NCAPG2: variants seen among roughly 807,000 people sequenced by gnomAD.
The protein encoded by NCAPG2 is condensin-2 complex subunit G2.
NCAPG2 carries 53 observed loss-of-function variants against 141.1 expected under a neutral mutation model. The observed-to-expected ratio is 0.38, with a 90% CI of 0.30 to 0.47. The LOEUF (loss-of-function observed/expected upper bound fraction) is 0.47. Ranked by LOEUF, NCAPG2 falls within the 20% of genes least tolerant of loss-of-function variation. The probability of loss-of-function intolerance (pLI) is 0.99; values close to 1 mark genes in which losing one functional copy is unlikely to be tolerated. For synonymous variants in NCAPG2, 499 were observed against 490.7 expected (o/e 1.02, Z -0.22); for missense variants, 1,087 against 1,389.0 (o/e 0.78, Z 3.46).
chr7:158,703,916 G>A (rs935868298), intron 1 of NCAPG2, among the ~76,000 whole-genome samples: 15 of 152,144 alleles, frequency 9.9e-5, no homozygotes, highest in Non-Finnish European at 2.1e-4. Context: ...CAGGGCTCAG[G>A]GGGACTCTCT....
At chr7:158,673,396 G>T (rs907901508) in intron 12 of NCAPG2, among the ~76,000 whole-genome samples, 1 of 152,164 alleles carries the variant, frequency 6.6e-6, no homozygotes, top group African/African-American at 2.4e-5. Context: ...AGCTGCCCTC[G>T]CCATCAGCAT....
chr7:158,697,922 C>T (rs1835558302), intron 2 of NCAPG2, among the ~76,000 whole-genome samples: 1 of 152,146 alleles, frequency 6.6e-6, no homozygotes, highest in African/African-American at 2.4e-5. Flanking sequence ...GAACAACACA[C>T]ACTGGCCTAT....
Position 158,655,448 on chromosome 7 carries a change from A to G in NCAPG2, c.2396T>C (p.Leu799Pro). Reference sequence around the variant, plus strand: ...ACCCGGTGTCTGCAGAAGTGACTCCAGATCTGCCTGTAATAGAAAAAACCC... The same window carrying G: ...ACCCGGTGTCTGCAGAAGTGACTCCGGATCTGCCTGTAATAGAAAAAACCC... ...LKALETSKADLESLLQTPGGK... is the reference protein window; with the variant it reads ...LKALETSKADPESLLQTPGGK... The change falls in exon 20 of 28, where the codon CTG becomes CCG. Residue 799 changes from leucine (L) to proline (P), a missense_variant. Physicochemically the swap from Leu to Pro is moderately conservative, Grantham distance 98. Coordinates refer to ENST00000356309, the MANE Select transcript of NCAPG2 (RefSeq NM_017760.7). The G allele has an allele frequency of 6.2e-7, 1 of 1,613,988 alleles. No individual in the cohort carries two copies. The highest frequency in any genetic ancestry group is 8.5e-7 in the Non-Finnish European group (1 of 1,179,946).
intron 24 of NCAPG2, among the ~76,000 whole-genome samples, chr7:158,650,437 T>C (rs560626719): frequency 6.6e-6 from 1 of 152,282 alleles, no homozygotes; most frequent in East Asian, 1.9e-4. Flanking sequence ...ATGTGAACTA[T>C]TCCACAAAAG....
In NCAPG2 at chr7:158,664,289, C is replaced by A. The variant is rs751411045; in HGVS notation, c.1710G>T (p.Leu570=). 1.2e-5 allele frequency: 20 copies of A among 1,611,984 alleles called. No homozygotes were observed. Among genetic ancestry groups the A allele is most frequent in the Middle Eastern group, 1.7e-4 (1 of 6,054 alleles). ...TTAAGCAATGACGAATAACGTGAAT[C>A]AGCTTTGCTGAAATGTTTAGGATAA... ...EHTACTNIAK[L]IHVIRHCLNA... is the part of the protein sequence containing the mutation. The change falls in exon 15 of 28, where the codon CTG becomes CTT. Residue 570 remains leucine (L), a synonymous_variant. Coordinates refer to ENST00000356309, the MANE Select transcript of NCAPG2 (RefSeq NM_017760.7).
intron 13 of NCAPG2, chr7:158,668,082 T>A (rs867901904): frequency 1.6e-5 from 1 of 64,266 alleles, no homozygotes; most frequent in Non-Finnish European, 1.8e-5. Context: ...CCTTACCCAC[T>A]ACTGGGTCCC....
rs187533897 is a variant in NCAPG2 at position 158,641,632 on chromosome 7, A to G, written c.3380+2657T>C. The G allele has an allele frequency of 6.4e-6, 3 of 466,746 alleles. No individual in the cohort carries two copies. The East Asian group carries it at 1.0e-4, about 16-fold the overall frequency. The allele number at this position is 466,746 out of a possible 1,614,324, so 28.9% of individuals were successfully genotyped here. A position where few individuals can be genotyped will look rare whatever the true frequency, so the allele number is the denominator to read the frequency against. Reference sequence around the variant, plus strand: ...CTAATCAAAACAAAGCAGGAGTAGTAGTATTAATTTCAGGCAGAGCAGAAT... The same window carrying G: ...CTAATCAAAACAAAGCAGGAGTAGTGGTATTAATTTCAGGCAGAGCAGAAT... On this transcript the variant is annotated intron_variant, in intron 27 of 27. Transcript: ENST00000356309.
rs1834005529 is a variant in NCAPG2 at position 158,675,672 on chromosome 7, G to A, written c.1147-16C>T. ...CTAAAAGGCTCTATAAGTAGGAGGG[G>A]AGAAAGGCTTAAAAACCTTGACTTA... On this transcript the variant is annotated splice_polypyrimidine_tract_variant and intron_variant, in intron 11 of 27. Coordinates refer to ENST00000356309, the MANE Select transcript of NCAPG2 (RefSeq NM_017760.7). 6.2e-7 allele frequency: 1 copy of A among 1,601,596 alleles called. No homozygotes were observed. Among genetic ancestry groups the A allele is most frequent in the Non-Finnish European group, 8.5e-7 (1 of 1,176,976 alleles).
At chr7:158,662,059 A>C in intron 16 of NCAPG2, 135 bp downstream of exon 16, 1 of 831,698 alleles carries the variant, frequency 1.2e-6, no homozygotes, top group Non-Finnish European at 1.7e-6. Context: ...CTGCAAGGTA[A>C]ACACTAATCC....
intron 27 of NCAPG2, among the ~76,000 whole-genome samples, chr7:158,637,025 G>A (rs577258878): frequency 6.6e-5 from 10 of 151,666 alleles, no homozygotes; most frequent in East Asian, 2.0e-4. Flanking sequence ...TTGGCTCACT[G>A]CAAGTTCCGC....
rs1340414075 is a variant in NCAPG2 at position 158,655,665 on chromosome 7, C to T, written c.2389-210G>A. 3.3e-5 allele frequency among the ~76,000 whole-genome samples: 5 copies of T among 152,412 alleles called. No individual in the cohort carries two copies. The East Asian group carries it at 7.7e-4, about 23-fold the overall frequency. ...AGCCAGGTGAGCAGCCTCAGCTCACCGTCCACAGCCCTTGCCCTGCACGCA... is the reference window on the plus strand; with the variant it reads ...AGCCAGGTGAGCAGCCTCAGCTCACTGTCCACAGCCCTTGCCCTGCACGCA... On this transcript the variant is annotated intron_variant, in intron 19 of 27. Coordinates refer to ENST00000356309, the MANE Select transcript of NCAPG2 (RefSeq NM_017760.7).
At chr7:158,645,976 G>C (rs1280122162) in intron 25 of NCAPG2, among the ~76,000 whole-genome samples, 1 of 152,150 alleles carries the variant, frequency 6.6e-6, no homozygotes, top group Non-Finnish European at 1.5e-5. Flanking sequence ...AAATTCGACA[G>C]GTACCAGACA....
chr7:158,686,140 A>G (rs1834740805), intron 8 of NCAPG2, 32 bp downstream of exon 8: 1 of 1,289,196 alleles, frequency 7.8e-7, no homozygotes, highest in Non-Finnish European at 1.1e-6. Flanking sequence ...TATAATAAAA[A>G]TAAGTGTTAA....
intron 7 of NCAPG2, among the ~76,000 whole-genome samples, chr7:158,686,803 A>T (rs1401069077): frequency 3.3e-5 from 5 of 152,242 alleles, no homozygotes; most frequent in African/African-American, 1.2e-4. Flanking sequence ...TGGGAAATTT[A>T]GAAAGCAAAG....
At chr7:158,654,745 G>A in intron 21 of NCAPG2, 51 bp from the exon 22 acceptor site, 4 of 1,578,042 alleles carry the variant, frequency 2.5e-6, no homozygotes, top group South Asian at 1.2e-5. Context: ...TAAAAAGGGA[G>A]TAAATCCAGC....
chr7:158,641,473 T>C (rs1321755583), intron 27 of NCAPG2: 1 of 670,548 alleles, frequency 1.5e-6, no homozygotes, highest in Admixed American at 2.3e-5. Flanking sequence ...CCTAGCCAAT[T>C]GGGACTGAGG....
chr7:158,658,991 A>G (rs1252886879), intron 16 of NCAPG2, among the ~76,000 whole-genome samples: 1 of 148,474 alleles, frequency 6.7e-6, no homozygotes, highest in African/African-American at 2.5e-5. Context: ...TACAGTAAGC[A>G]TTCACTCCAG....
chr7:158,693,847 T>G (rs1410859118), intron 2 of NCAPG2, among the ~76,000 whole-genome samples: 1 of 152,196 alleles, frequency 6.6e-6, no homozygotes, highest in Non-Finnish European at 1.5e-5. Flanking sequence ...CAGCCCCAAG[T>G]GGGCCCTCAA....
Position 158,692,903 on chromosome 7 carries a change from C to T in NCAPG2, c.321G>A (p.Val107=). The T allele has an allele frequency of 6.3e-7, 1 of 1,595,548 alleles. No homozygotes were observed. Residue 107 remains valine (V), a synonymous_variant, in exon 4 of 28, where the codon GTG becomes GTA. Coordinates refer to ENST00000356309, the MANE Select transcript of NCAPG2 (RefSeq NM_017760.7). ...YAITSVILAS[V]SVINESENYE... is the part of the protein sequence containing the mutation. ...AGTTCTCACTTTCATTTATTACAGA[C>T]ACAGAAGCAAGAATCACAGATGTAA...
Sources: gnomAD v4.1 joint callset for allele counts (sites outside exome capture counted in the v4.1 genomes callset) on GRCh38, gnomAD v4.1.1 for gene constraint, MANE v1.5 for transcripts, NCBI Gene and HGNC (gene_info 2026-07-23, HGNC 2026-07-21) for gene names.